The following CEP112 variants were observed in gnomAD, a reference collection of about 807,000 sequenced individuals.
The protein encoded by CEP112 is centrosomal protein 112, also known as centrosomal protein of 112 kDa.
A neutral mutation model predicts 153.0 loss-of-function variants in CEP112; 127 were observed. The ratio of observed to expected loss-of-function variants is 0.83; its 90% CI spans 0.72 to 0.96. CEP112 has a LOEUF of 0.96. Among genes scored for constraint, CEP112 ranks in the 40% least tolerant of loss-of-function variants. The pLI, the probability that CEP112 is intolerant of heterozygous loss-of-function variation, is 0.00. For synonymous variants in CEP112, 358 were observed against 374.4 expected, an observed-to-expected ratio of 0.96 and a Z score of 0.51; for missense variants, 1,089 against 1,101.2, an observed-to-expected ratio of 0.99 and a Z score of 0.16.
chr17:65,874,067 CAGATATTT>C (rs2058746667), intron 20 of CEP112, among the ~76,000 whole-genome samples: 1 of 152,110 alleles, frequency 6.6e-6, no homozygotes, highest in African/African-American at 2.4e-5. Context: ...CATATGTGTA[CAGATATTT>C]TATTTGCTTA....
chr17:65,869,225 A>G (rs2058574287), intron 20 of CEP112, among the ~76,000 whole-genome samples: 1 of 152,266 alleles, frequency 6.6e-6, no homozygotes, highest in Non-Finnish European at 1.5e-5. Flanking sequence ...AAATACAGCC[A>G]GCAGATTACC....
intron 20 of CEP112, among the ~76,000 whole-genome samples, chr17:65,854,864 T>G (rs1441527298): frequency 2.0e-5 from 3 of 152,172 alleles, no homozygotes; most frequent in African/African-American, 4.8e-5. Flanking sequence ...AGATAGTCAA[T>G]GCAATCAGAT....
intron 1 of CEP112, among the ~76,000 whole-genome samples, chr17:66,184,569 C>T (rs2072851674): frequency 6.6e-6 from 1 of 152,012 alleles, no homozygotes; most frequent in Non-Finnish European, 1.5e-5. Context: ...ACTGAGATAC[C>T]ACTAACATTA....
intron 4 of CEP112, among the ~76,000 whole-genome samples, chr17:66,152,452 G>A (rs1239139439): frequency 6.6e-6 from 1 of 152,096 alleles, no homozygotes; most frequent in Non-Finnish European, 1.5e-5. Flanking sequence ...ATTGAGTCAA[G>A]GAAAGTTAAA....
At chr17:65,644,187 G>A in intron 24 of CEP112, 2 of 760,258 alleles carry the variant, frequency 2.6e-6, no homozygotes, top group Non-Finnish European at 2.3e-6. Flanking sequence ...TTCAGCTATG[G>A]TTGCGTTGGG....
At chr17:65,896,182 T>G (rs2059652082) in intron 20 of CEP112, among the ~76,000 whole-genome samples, 1 of 152,136 alleles carries the variant, frequency 6.6e-6, no homozygotes, top group Admixed American at 6.6e-5. Flanking sequence ...CCATGGTAAC[T>G]GCCACATTTT....
At chr17:65,944,248 GCAGTAAAC>G (rs2061585196) in intron 18 of CEP112, among the ~76,000 whole-genome samples, 1 of 152,174 alleles carries the variant, frequency 6.6e-6, no homozygotes, top group Non-Finnish European at 1.5e-5. Flanking sequence ...GTTGAAAGGT[GCAGTAAAC>G]CCCCATGGCA....
intron 20 of CEP112, among the ~76,000 whole-genome samples, chr17:65,855,959 G>A (rs2058106832): frequency 1.3e-5 from 2 of 152,096 alleles, no homozygotes; most frequent in African/African-American, 4.8e-5. Context: ...AGCTACTCAG[G>A]AGGCTGAGGA....
intron 21 of CEP112, among the ~76,000 whole-genome samples, chr17:65,757,486 C>G (rs939316586): frequency 5.3e-5 from 8 of 152,144 alleles, no homozygotes; most frequent in African/African-American, 1.9e-4. Context: ...ACAGAGAAAT[C>G]CAGTATGAGT....
chr17:65,801,979 T>C, intron 21 of CEP112, among the ~76,000 whole-genome samples: 1 of 152,156 alleles, frequency 6.6e-6, no homozygotes, highest in Non-Finnish European at 1.5e-5. Flanking sequence ...ACTCTGGAAA[T>C]CAGATTCTCT....
chr17:66,020,195 G>A (rs2111413), intron 16 of CEP112, among the ~76,000 whole-genome samples: 62,487 of 151,914 alleles, frequency 0.41, 14,311 homozygotes, highest in East Asian at 0.87. Context: ...AAGAATGAAC[G>A]GTGGACAAAC....
At chr17:65,652,728 T>C (rs1161450964) in intron 24 of CEP112, among the ~76,000 whole-genome samples, 2 of 152,234 alleles carry the variant, frequency 1.3e-5, no homozygotes, top group African/African-American at 4.8e-5. Context: ...TTTAAATGAA[T>C]TTATATTTTA....
At chr17:65,911,952 C>A (rs2143831318) in intron 19 of CEP112, among the ~76,000 whole-genome samples, 1 of 152,234 alleles carries the variant, frequency 6.6e-6, no homozygotes, top group Non-Finnish European at 1.5e-5. Flanking sequence ...ATGTCAAATG[C>A]CAGTAGCTCC....
At chr17:65,802,150 ATG>A (rs1374088088) in intron 21 of CEP112, among the ~76,000 whole-genome samples, 1 of 152,132 alleles carries the variant, frequency 6.6e-6, no homozygotes, top group Non-Finnish European at 1.5e-5. Flanking sequence ...TGGTCAGCTA[ATG>A]ATTGGGTAGA....
intron 8 of CEP112, among the ~76,000 whole-genome samples, chr17:66,096,046 TAGAG>T (rs1429403187): frequency 6.6e-6 from 1 of 152,064 alleles, no homozygotes; most frequent in Non-Finnish European, 1.5e-5. Flanking sequence ...GGACAAAAGA[TAGAG>T]ACTCTATCTC....
chr17:66,001,343 T>G (rs1255985031), intron 17 of CEP112, among the ~76,000 whole-genome samples: 1 of 152,230 alleles, frequency 6.6e-6, no homozygotes, highest in African/African-American at 2.4e-5. Flanking sequence ...ATGTTCGATA[T>G]TAGACCTTTG....
rs914922280 is a variant in CEP112, at chr17:66,118,352, C to T, written c.642+11394G>A. The stretch of plus-strand genomic sequence containing the variant: ...GGATAAAGAAAACATGGTATATATA[C>T]ACAATTGAATATTATTTAGCTATAA... On this transcript the variant is annotated intron_variant, in intron 6 of 26. Transcript: ENST00000535342. Among the ~76,000 whole-genome samples, 3 of 152,078 alleles carry T rather than the reference C, an allele frequency of 2.0e-5. No homozygotes were observed. In the East Asian group the frequency reaches 5.8e-4, roughly 29 times the overall value.
chr17:65,991,161 A>T lies in CEP112; in HGVS notation c.1736+14529T>A, dbSNP rs561244086. On this transcript the variant is annotated intron_variant, in intron 17 of 26. Coordinates refer to ENST00000535342, the MANE Select transcript of CEP112 (RefSeq NM_001199165.4). ...AGAACTTGAGTGGCCACGACAAAGA[A>T]TAAACTTTTTAAATAATTTAACTAT... 8.7e-4 allele frequency among the ~76,000 whole-genome samples: 133 copies of T among 152,318 alleles called. 3 individuals carry two copies. In the South Asian group the frequency reaches 8.9e-3, roughly 10 times the overall value.
chr17:66,043,075 A>AG (rs2066053526), intron 12 of CEP112: 2 of 981,196 alleles, frequency 2.0e-6, no homozygotes, highest in Admixed American at 1.2e-4. Flanking sequence ...GCACTCTTTA[A>AG]GGTAAAGGAT....
Sources: allele counts gnomAD v4.1 joint callset (sites outside exome capture counted in the v4.1 genomes callset), GRCh38; gene constraint gnomAD v4.1.1; transcripts MANE v1.5; gene names NCBI Gene and HGNC (gene_info 2026-07-23, HGNC 2026-07-21).